The following RGS21 variants were observed in gnomAD, a reference collection of about 807,000 sequenced individuals.
RGS21 encodes the protein regulator of G protein signaling 21.
Under a neutral mutation model 18.7 loss-of-function variants are expected in RGS21, and 19 were observed. The observed-to-expected ratio is 1.01, with a 90% CI of 0.71 to 1.49. The LOEUF is 1.49. RGS21 is among the 40% of genes most tolerant of loss of function. The pLI is 0.00. For synonymous variants in RGS21, 56 were observed against 57.8 expected (o/e 0.97, Z 0.14); for missense variants, 194 against 176.8 (o/e 1.10, Z -0.55).
At chr1:192,317,591 T>C in intron 1 of RGS21, among the ~76,000 whole-genome samples, 1 of 151,716 alleles carries the variant, frequency 6.6e-6, no homozygotes, top group East Asian at 1.9e-4. Flanking sequence ...ATAAAGAAAA[T>C]GTGAGAAAGA....
intron 1 of RGS21, among the ~76,000 whole-genome samples, chr1:192,339,999 T>C (rs1394711089): frequency 6.6e-6 from 1 of 152,104 alleles, no homozygotes; most frequent in African/African-American, 2.4e-5. Flanking sequence ...GAGTTAAACA[T>C]GATCTTTAAC....
chr1:192,330,314 A>G (rs1658628535), intron 1 of RGS21, among the ~76,000 whole-genome samples: 1 of 152,214 alleles, frequency 6.6e-6, no homozygotes, highest in African/African-American at 2.4e-5. Context: ...ACAACTAAAG[A>G]CGGTGAGGTT....
chr1:192,363,473 C>T (rs889799062), intron 4 of RGS21, among the ~76,000 whole-genome samples: 1 of 152,220 alleles, frequency 6.6e-6, no homozygotes, highest in East Asian at 1.9e-4. Context: ...TGCATATATT[C>T]TCATATTCCC....
In RGS21 at chr1:192,366,205, T is replaced by C. The variant is rs927471598; in HGVS notation, c.*81T>C. ...CAAGCATGATGCATTGTCTTTTGTT[T>C]TGTTTTTAGGATTTAGAAAACATTT... On this transcript the variant is annotated 3_prime_UTR_variant, in exon 5 of 5. Transcript: ENST00000417209. 19 of 866,708 alleles carry C rather than the reference T, an allele frequency of 2.2e-5. No individual in the cohort carries two copies. The African/African-American group carries it at 3.3e-4, about 15-fold the overall frequency. 53.7% of individuals were successfully genotyped at this position (866,708 alleles called of 1,614,324 possible).
intron 1 of RGS21, among the ~76,000 whole-genome samples, chr1:192,338,823 T>C (rs992347943): frequency 1.3e-5 from 2 of 152,120 alleles, no homozygotes; most frequent in African/African-American, 4.8e-5. Context: ...ATTGAATACA[T>C]GAACATTTAA....
In RGS21 at chr1:192,324,847, G is replaced by A. The variant is rs148791623; in HGVS notation, c.-61+7742G>A. Among the ~76,000 whole-genome samples the A allele has an allele frequency of 1.2e-3, 180 of 152,112 alleles. 1 individual carries two copies. The Middle Eastern group carries it at 0.024, about 20-fold the overall frequency. ...CAAAGTCCATCCCAGGCCAACAAAT[G>A]TCTTAGTAACATGGTAATCATTCAG... is the stretch of plus-strand genomic sequence containing the variant. On this transcript the variant is annotated intron_variant, in intron 1 of 4. Transcript: ENST00000417209.
chr1:192,350,974 A>T (rs1203874497), intron 3 of RGS21, among the ~76,000 whole-genome samples: 2 of 152,216 alleles, frequency 1.3e-5, no homozygotes, highest in Non-Finnish European at 2.9e-5. Flanking sequence ...AGTGAGACTC[A>T]TAGAAATCAC....
chr1:192,317,460 CTA>C (rs1179184710), intron 1 of RGS21, among the ~76,000 whole-genome samples: 2 of 151,492 alleles, frequency 1.3e-5, no homozygotes, highest in Non-Finnish European at 3.0e-5. Flanking sequence ...AAAAAAAAAT[CTA>C]TCTCATACTT....
chr1:192,356,339 A>G (rs888773066), intron 4 of RGS21, among the ~76,000 whole-genome samples: 2 of 151,796 alleles, frequency 1.3e-5, no homozygotes, highest in African/African-American at 4.8e-5. Flanking sequence ...AACAGATAAT[A>G]AACACGTAAG....
intron 2 of RGS21, among the ~76,000 whole-genome samples, chr1:192,345,365 A>G (rs1297379676): frequency 1.3e-5 from 2 of 152,034 alleles, no homozygotes; most frequent in South Asian, 2.1e-4. Flanking sequence ...AGCTAATACA[A>G]TTTAGCTACA....
At chr1:192,341,186 G>A (rs1220104377) in intron 1 of RGS21, among the ~76,000 whole-genome samples, 1 of 151,876 alleles carries the variant, frequency 6.6e-6, no homozygotes, top group East Asian at 1.9e-4. Context: ...CCTACTACTA[G>A]ACGTTAACCC....
chr1:192,353,232 T>C (rs1357310147), intron 4 of RGS21, among the ~76,000 whole-genome samples: 1 of 151,990 alleles, frequency 6.6e-6, no homozygotes, highest in Non-Finnish European at 1.5e-5. Context: ...AGTTACCATA[T>C]TACTAATAGT....
intron 1 of RGS21, among the ~76,000 whole-genome samples, chr1:192,330,400 G>A (rs1252506492): frequency 6.6e-6 from 1 of 152,088 alleles, no homozygotes; most frequent in Non-Finnish European, 1.5e-5. Context: ...GTGTGGTGTG[G>A]GGAAAGAATT....
At chr1:192,324,213 C>G (rs1436042503) in intron 1 of RGS21, among the ~76,000 whole-genome samples, 1 of 151,872 alleles carries the variant, frequency 6.6e-6, no homozygotes, top group African/African-American at 2.4e-5. Context: ...CTAACAATAT[C>G]TTTAGTTATA....
chr1:192,333,001 A>T (rs7535809), intron 1 of RGS21, among the ~76,000 whole-genome samples: 1 of 152,012 alleles, frequency 6.6e-6, no homozygotes, highest in African/African-American at 2.4e-5. Context: ...CAATTAGAAA[A>T]AAGGTAAAAT....
intron 1 of RGS21, among the ~76,000 whole-genome samples, chr1:192,338,122 C>A (rs1194432220): frequency 6.6e-6 from 1 of 152,086 alleles, no homozygotes; most frequent in Non-Finnish European, 1.5e-5. Flanking sequence ...TTCCAAGCAG[C>A]CACTTTGGGA....
chr1:192,360,061 G>A (rs1263029658), intron 4 of RGS21, among the ~76,000 whole-genome samples: 2 of 151,746 alleles, frequency 1.3e-5, no homozygotes, highest in South Asian at 2.1e-4. Flanking sequence ...AATCCAAAAT[G>A]TATTATAATG....
intron 4 of RGS21, among the ~76,000 whole-genome samples, chr1:192,359,778 C>CTA (rs199823479): frequency 0.01 from 1,426 of 137,784 alleles, 15 homozygotes; most frequent in African/African-American, 0.028. Flanking sequence ...TTCTCTCTCT[C>CTA]TCTCTATATA....
intron 1 of RGS21, among the ~76,000 whole-genome samples, chr1:192,335,819 A>C (rs1658758420): frequency 6.6e-6 from 1 of 152,190 alleles, no homozygotes. Flanking sequence ...AGTAGTTATG[A>C]AACAGTGGGA....
Sources: allele counts gnomAD v4.1 joint callset (sites outside exome capture counted in the v4.1 genomes callset), GRCh38; gene constraint gnomAD v4.1.1; transcripts MANE v1.5; gene names NCBI Gene and HGNC (gene_info 2026-07-23, HGNC 2026-07-21).